GALNT17: variants seen among roughly 807,000 people sequenced by gnomAD.
GALNT17 encodes UDP-GalNAc:polypeptide N-acetylgalactosaminyltransferase-like 3.
Under a neutral mutation model 63.7 loss-of-function variants are expected in GALNT17, and 29 were observed. The observed-to-expected ratio is 0.46, with a 90% CI of 0.34 to 0.62. The LOEUF (loss-of-function observed/expected upper bound fraction) is 0.62. Ranked by LOEUF, GALNT17 falls within the 20% of genes least tolerant of loss-of-function variation. The pLI, the probability that GALNT17 is intolerant of heterozygous loss-of-function variation, is 0.01. For synonymous variants in GALNT17, 305 were observed against 318.3 expected, an observed-to-expected ratio of 0.96 and a Z score of 0.45; for missense variants, 603 against 799.6, an observed-to-expected ratio of 0.75 and a Z score of 2.97.
At chr7:71,266,758 C>T (rs1372130196) in intron 1 of GALNT17, among the ~76,000 whole-genome samples, 1 of 152,114 alleles carries the variant, frequency 6.6e-6, no homozygotes, top group Non-Finnish European at 1.5e-5. Context: ...GAGAGAAGTG[C>T]AACCTGGAAG....
intron 1 of GALNT17, among the ~76,000 whole-genome samples, chr7:71,287,240 G>A (rs963067835): frequency 6.6e-6 from 1 of 151,986 alleles, no homozygotes; most frequent in Non-Finnish European, 1.5e-5. Flanking sequence ...CAGGCATTGT[G>A]CCACCATGCC....
At chr7:71,566,993 A>T (rs1287326012) in intron 5 of GALNT17, among the ~76,000 whole-genome samples, 1 of 152,086 alleles carries the variant, frequency 6.6e-6, no homozygotes, top group Non-Finnish European at 1.5e-5. Context: ...TGAGCCCTGA[A>T]CGCGTGTGAG....
intron 2 of GALNT17, among the ~76,000 whole-genome samples, chr7:71,358,876 T>C (rs1431270964): frequency 6.6e-6 from 1 of 151,944 alleles, no homozygotes; most frequent in African/African-American, 2.4e-5. Flanking sequence ...TGGGTTCAAG[T>C]GATTCTCCTG....
intron 6 of GALNT17, among the ~76,000 whole-genome samples, chr7:71,601,102 T>C (rs1424034939): frequency 2.0e-5 from 3 of 152,060 alleles, no homozygotes; most frequent in Admixed American, 6.6e-5. Flanking sequence ...TATTCCTTTT[T>C]ATGGCTGCGT....
chr7:71,134,183 G>A (rs778812020), intron 1 of GALNT17, among the ~76,000 whole-genome samples: 1 of 152,178 alleles, frequency 6.6e-6, no homozygotes, highest in African/African-American at 2.4e-5. Context: ...TCTGTAATCG[G>A]AATAATAATA....
At chr7:71,144,038 C>T (rs57117329) in intron 1 of GALNT17, among the ~76,000 whole-genome samples, 6,561 of 152,190 alleles carry the variant, frequency 0.043, 461 homozygotes, top group African/African-American at 0.14. Context: ...ACGATCACAT[C>T]CAGAACTAAG....
At chr7:71,485,084 CA>C (rs984070080) in intron 5 of GALNT17, among the ~76,000 whole-genome samples, 5 of 146,926 alleles carry the variant, frequency 3.4e-5, no homozygotes, top group African/African-American at 1.3e-4. Flanking sequence ...GCTGGGATTA[CA>C]GGTGTGAGCC....
chr7:71,206,662 A>C (rs1336938629), intron 1 of GALNT17, among the ~76,000 whole-genome samples: 1 of 152,180 alleles, frequency 6.6e-6, no homozygotes, highest in Non-Finnish European at 1.5e-5. Flanking sequence ...CAGGGCGACC[A>C]AGACGGTGGG....
At chr7:71,191,471 T>C (rs895094740) in intron 1 of GALNT17, among the ~76,000 whole-genome samples, 9 of 152,220 alleles carry the variant, frequency 5.9e-5, no homozygotes, top group Admixed American at 4.6e-4. Context: ...AACTCTGCTG[T>C]TGCAGCAGGA....
At chr7:71,465,606 C>T (rs770905853) in intron 5 of GALNT17, among the ~76,000 whole-genome samples, 7 of 152,208 alleles carry the variant, frequency 4.6e-5, no homozygotes, top group Non-Finnish European at 1.0e-4. Flanking sequence ...CCCTCCCAGC[C>T]CGATCTCCTC....
At chr7:71,632,076 G>T (rs575651103) in intron 6 of GALNT17, among the ~76,000 whole-genome samples, 21 of 149,290 alleles carry the variant, frequency 1.4e-4, no homozygotes, top group Admixed American at 1.3e-3. Context: ...AGGACCTGAA[G>T]ATGTTTAGTC....
At chr7:71,600,483 G>A (rs1259390873) in intron 6 of GALNT17, among the ~76,000 whole-genome samples, 1 of 152,018 alleles carries the variant, frequency 6.6e-6, no homozygotes, top group Non-Finnish European at 1.5e-5. Flanking sequence ...CATTCCCCAC[G>A]TGCCCGGTAC....
At chr7:71,501,220 C>G (rs1788175363) in intron 5 of GALNT17, among the ~76,000 whole-genome samples, 1 of 151,998 alleles carries the variant, frequency 6.6e-6, no homozygotes, top group Non-Finnish European at 1.5e-5. Context: ...CCATCCTCCT[C>G]AGCCTCCCAA....
At chr7:71,512,501 G>C (rs905147710) in intron 5 of GALNT17, among the ~76,000 whole-genome samples, 1 of 152,186 alleles carries the variant, frequency 6.6e-6, no homozygotes, top group African/African-American at 2.4e-5. Context: ...CTTCTGGGAA[G>C]ATGTTCTTTG....
intron 1 of GALNT17, among the ~76,000 whole-genome samples, chr7:71,220,701 C>G (rs184591747): frequency 6.6e-6 from 1 of 151,940 alleles, no homozygotes; most frequent in Admixed American, 6.6e-5. Context: ...TGCCTGGTGT[C>G]CTCGTAAGAA....
At chr7:71,196,069 A>G (rs141817003) in intron 1 of GALNT17, among the ~76,000 whole-genome samples, 1 of 152,230 alleles carries the variant, frequency 6.6e-6, no homozygotes, top group Non-Finnish European at 1.5e-5. Flanking sequence ...GCTTGCACGC[A>G]GTCTCCTCCA....
At chr7:71,430,169 A>G (rs1583945892) in intron 5 of GALNT17, among the ~76,000 whole-genome samples, 1 of 152,304 alleles carries the variant, frequency 6.6e-6, no homozygotes, top group East Asian at 1.9e-4. Context: ...CTTGACAAAA[A>G]AAACTACCAT....
At chr7:71,518,566 G>C (rs577588890) in intron 5 of GALNT17, among the ~76,000 whole-genome samples, 3 of 152,306 alleles carry the variant, frequency 2.0e-5, no homozygotes, top group African/African-American at 7.2e-5. Context: ...AATATGGCTT[G>C]AGATTGTGAT....
intron 2 of GALNT17, among the ~76,000 whole-genome samples, chr7:71,384,816 C>T (rs1178990482): frequency 6.6e-6 from 1 of 152,090 alleles, no homozygotes; most frequent in Non-Finnish European, 1.5e-5. Context: ...CACATTTCTC[C>T]CTCTGTTCTT....
Sources: allele counts gnomAD v4.1 joint callset (sites outside exome capture counted in the v4.1 genomes callset), GRCh38; gene constraint gnomAD v4.1.1; transcripts MANE v1.5; gene names NCBI Gene and HGNC (gene_info 2026-07-23, HGNC 2026-07-21).